The following NBEA variants were observed in gnomAD, a reference collection of about 807,000 sequenced individuals.
The protein encoded by NBEA is neurobeachin.
In NBEA, 44 loss-of-function variants were observed where a neutral mutation model predicts 343.4. That is an observed-to-expected ratio of 0.13 (90% CI 0.10 to 0.16). The LOEUF is 0.16. Ranked by LOEUF, NBEA falls within the 10% of genes least tolerant of loss-of-function variation. The probability of loss-of-function intolerance (pLI) is 1.00; values close to 1 mark genes in which losing one functional copy is unlikely to be tolerated. For missense variants in NBEA, 2,555 were observed against 3,631.3 expected (o/e 0.70, Z 7.62); for synonymous variants, 1,175 against 1,238.7 (o/e 0.95, Z 1.08).
chr13:35,422,992 G>A (rs181550967), intron 38 of NBEA, among the ~76,000 whole-genome samples: 1 of 152,062 alleles, frequency 6.6e-6, no homozygotes, highest in African/African-American at 2.4e-5. Flanking sequence ...TGTTGATGGG[G>A]TTGTTTGTTT....
chr13:35,289,464 C>T (rs1420273210), intron 34 of NBEA, among the ~76,000 whole-genome samples: 1 of 151,832 alleles, frequency 6.6e-6, no homozygotes, highest in Non-Finnish European at 1.5e-5. Context: ...TTGATTACCT[C>T]ATTCTCTATG....
chr13:34,999,097 A>G (rs1566142901), intron 1 of NBEA, among the ~76,000 whole-genome samples: 1 of 152,172 alleles, frequency 6.6e-6, no homozygotes, highest in Non-Finnish European at 1.5e-5. Context: ...CCAAGCTTAT[A>G]TCCTTATGGT....
chr13:35,270,569 C>T (rs1435602464), intron 34 of NBEA, among the ~76,000 whole-genome samples: 1 of 152,188 alleles, frequency 6.6e-6, no homozygotes, highest in Non-Finnish European at 1.5e-5. Flanking sequence ...ATTTCCCTTT[C>T]CTAGCCAAGG....
At chr13:35,639,972 A>T (rs1259921096) in intron 49 of NBEA, among the ~76,000 whole-genome samples, 2 of 151,982 alleles carry the variant, frequency 1.3e-5, no homozygotes, top group East Asian at 1.9e-4. Flanking sequence ...AAAAAAAAAA[A>T]AAAGCAGTTG....
At chr13:35,250,896 T>C (rs1205171570) in intron 34 of NBEA, among the ~76,000 whole-genome samples, 2 of 152,218 alleles carry the variant, frequency 1.3e-5, no homozygotes, top group Non-Finnish European at 2.9e-5. Context: ...AGGGACACAT[T>C]CATAAGTGAT....
intron 24 of NBEA, among the ~76,000 whole-genome samples, chr13:35,167,470 TGATA>T (rs137875418): frequency 0.073 from 11,102 of 151,962 alleles, 880 homozygotes; most frequent in African/African-American, 0.19. Context: ...TTGTTTATAA[TGATA>T]GTTTGAGCAC....
intron 38 of NBEA, among the ~76,000 whole-genome samples, chr13:35,421,305 G>C (rs2044256925): frequency 1.3e-5 from 2 of 151,620 alleles, no homozygotes; most frequent in Admixed American, 1.3e-4. Context: ...ATTCTGTTTT[G>C]ATTTATCTAT....
At chr13:35,122,684 C>T (rs1375622668) in intron 16 of NBEA, among the ~76,000 whole-genome samples, 5 of 151,954 alleles carry the variant, frequency 3.3e-5, no homozygotes, top group African/African-American at 1.2e-4. Context: ...CAAACCTGCA[C>T]GTTGTACACA....
Position 35,191,913 on chromosome 13 carries a change from C to CATGTCATTTAT in NBEA, c.4928-3951_4928-3950insATGTCATTTAT, listed in dbSNP as rs1309482951. Among the ~76,000 whole-genome samples, 19 of 152,068 alleles carry CATGTCATTTAT rather than the reference C, an allele frequency of 1.2e-4. No individual in the cohort carries two copies. The South Asian group carries it at 3.7e-3, about 30-fold the overall frequency. ...GGAAGGAATGTGATATGTGAAGTCACCGTGTAAATATCATGTCATTTGCTG... is the reference window on the plus strand; with the variant it reads ...GGAAGGAATGTGATATGTGAAGTCACATGTCATTTATCGTGTAAATATCATGTCATTTGCTG... On this transcript the variant is annotated intron_variant, in intron 30 of 58. Coordinates refer to ENST00000379939, the MANE Select transcript of NBEA (RefSeq NM_001385012.1).
intron 38 of NBEA, among the ~76,000 whole-genome samples, chr13:35,412,003 G>T (rs2043616825): frequency 1.3e-5 from 2 of 151,942 alleles, no homozygotes; most frequent in African/African-American, 4.8e-5. Context: ...CTCTGAGAGG[G>T]TTTTGTTCAA....
intron 34 of NBEA, among the ~76,000 whole-genome samples, chr13:35,237,471 C>G (rs1436662562): frequency 1.3e-5 from 2 of 152,182 alleles, no homozygotes; most frequent in Non-Finnish European, 2.9e-5. Context: ...TGTTTCCCTT[C>G]TTTCTCTAAT....
chr13:35,119,878 C>A (rs1217419668), intron 16 of NBEA, among the ~76,000 whole-genome samples: 2 of 152,122 alleles, frequency 1.3e-5, no homozygotes, highest in Non-Finnish European at 2.9e-5. Flanking sequence ...CGTAAGCCAC[C>A]GTGCCCAGCC....
intron 33 of NBEA, among the ~76,000 whole-genome samples, chr13:35,211,721 G>C (rs2152753313): frequency 6.6e-6 from 1 of 151,962 alleles, no homozygotes; most frequent in Non-Finnish European, 1.5e-5. Context: ...AGGGAGGCTA[G>C]GGCAGGAGAA....
chr13:35,666,899 T>C (rs2085380982), intron 56 of NBEA, among the ~76,000 whole-genome samples: 1 of 152,208 alleles, frequency 6.6e-6, no homozygotes, highest in African/African-American at 2.4e-5. Context: ...TTACATTTTA[T>C]GCGTATGGAT....
intron 34 of NBEA, among the ~76,000 whole-genome samples, chr13:35,243,291 A>G (rs1164291828): frequency 6.6e-6 from 1 of 151,936 alleles, no homozygotes; most frequent in Non-Finnish European, 1.5e-5. Context: ...CGAAAGAACA[A>G]GAGAAAAAGC....
chr13:35,442,986 A>T (rs1183184454), intron 39 of NBEA, among the ~76,000 whole-genome samples: 1 of 152,068 alleles, frequency 6.6e-6, no homozygotes, highest in Non-Finnish European at 1.5e-5. Context: ...AGTATCCTTG[A>T]TGTCCTTTTC....
At chr13:35,103,152 A>G (rs1053955388) in intron 11 of NBEA, among the ~76,000 whole-genome samples, 1 of 151,776 alleles carries the variant, frequency 6.6e-6, no homozygotes, top group Non-Finnish European at 1.5e-5. Context: ...TTCTTAATTT[A>G]GTCAATTACA....
chr13:35,644,253 T>G (rs1234823605), intron 49 of NBEA, among the ~76,000 whole-genome samples: 23 of 152,188 alleles, frequency 1.5e-4, no homozygotes, highest in Non-Finnish European at 4.4e-5. Flanking sequence ...ATAAAGTTAG[T>G]CACAATCTCG....
At chr13:35,550,206 T>C (rs938791446) in intron 41 of NBEA, among the ~76,000 whole-genome samples, 3 of 152,190 alleles carry the variant, frequency 2.0e-5, no homozygotes, top group Non-Finnish European at 4.4e-5. Context: ...CAATTAATTA[T>C]ATACAAGACC....
Sources: gnomAD v4.1 joint callset for allele counts (sites outside exome capture counted in the v4.1 genomes callset) on GRCh38, gnomAD v4.1.1 for gene constraint, MANE v1.5 for transcripts, NCBI Gene and HGNC (gene_info 2026-07-23, HGNC 2026-07-21) for gene names.